Variants in PDE4C observed in about 807,000 individuals in gnomAD.
PDE4C encodes phosphodiesterase 4C.
PDE4C carries 50 observed loss-of-function variants against 63.9 expected under a neutral mutation model. That is an observed-to-expected ratio of 0.78 (90% CI 0.62 to 0.99). The LOEUF (loss-of-function observed/expected upper bound fraction) is 0.99. Ranked by LOEUF, PDE4C falls within the 50% of genes least tolerant of loss-of-function variation. The pLI is 0.00. For missense variants in PDE4C, 777 were observed against 899.1 expected, an observed-to-expected ratio of 0.86 and a Z score of 1.74; for synonymous variants, 377 against 385.1, an observed-to-expected ratio of 0.98 and a Z score of 0.25.
chr19:18,244,440 G>A (rs957026973), intron 1 of PDE4C, among the ~76,000 whole-genome samples: 2 of 151,502 alleles, frequency 1.3e-5, no homozygotes, highest in Non-Finnish European at 2.9e-5. Flanking sequence ...GATTACAGGC[G>A]ACCGCGACCA....
upstream of PDE4C, among the ~76,000 whole-genome samples, chr19:18,251,141 C>G (rs1172096704): frequency 4.1e-5 from 6 of 148,130 alleles, no homozygotes; most frequent in Non-Finnish European, 9.0e-5. Flanking sequence ...TTTTTTCCCC[C>G]CCGAGATGGA....
Position 18,220,554 on chromosome 19 carries a change from C to G in PDE4C, c.500-39G>C, listed in dbSNP as rs76000693. 3 of 1,352,786 alleles carry G rather than the reference C, an allele frequency of 2.2e-6. No individual in the cohort carries two copies. The highest frequency in any genetic ancestry group is 3.1e-6 in the Non-Finnish European group (3 of 954,352). The allele number at this position is 1,352,786 out of a possible 1,614,324, so 83.8% of individuals were successfully genotyped here. Reference sequence around the variant, plus strand: ...CAGTCAGGGGCCTGCCCAACCCCCCCGCTCAGGGACCCCACGCCTCTCGCG... The same window carrying G: ...CAGTCAGGGGCCTGCCCAACCCCCCGGCTCAGGGACCCCACGCCTCTCGCG... On this transcript the variant is annotated intron_variant, in intron 5 of 14. Coordinates refer to ENST00000262805, the Ensembl canonical transcript of PDE4C. The surrounding 1 kb of genome is among the most constrained non-coding windows in gnomAD (Gnocchi z 5.1).
At chr19:18,216,323 A>C (rs1341260880) in intron 12 of PDE4C, among the ~76,000 whole-genome samples, 1 of 147,938 alleles carries the variant, frequency 6.8e-6, no homozygotes, top group Non-Finnish European at 1.5e-5. Context: ...CAGTGGTGCG[A>C]TCTCAGCTCA....
exon 10 of PDE4C, chr19:18,218,353 A>G: frequency 6.2e-7 from 1 of 1,614,242 alleles, no homozygotes; most frequent in Non-Finnish European, 8.5e-7. Context: ...GGGCGTAGCC[A>G]GCAGCACATG....
At chr19:18,221,049 T>TCCGCCAGGGCCCCCCCCCCCC in intron 4 of PDE4C, 56 bp downstream of exon 4, 13 of 1,239,960 alleles carry the variant, frequency 1.0e-5, no homozygotes, top group Non-Finnish European at 1.4e-5. Flanking sequence ...CAGCCCGCTT[T>TCCGCCAGGGCCCCCCCCCCCC]CCGCCCACCT....
At chr19:18,232,980 C>T (rs778651923) in exon 1 of PDE4C, 1 of 1,494,324 alleles carries the variant, frequency 6.7e-7, no homozygotes, top group South Asian at 1.3e-5. Flanking sequence ...CCAGGAGAGC[C>T]GCGACTTCCT....
the PDE4C span, chr19:18,255,163 G>C: frequency 1.3e-5 from 5 of 398,224 alleles, no homozygotes; most frequent in Admixed American, 4.4e-5. The surrounding 1 kb of genome is among the most constrained non-coding windows in gnomAD (Gnocchi z 4.6). Context: ...TGGGCTGTGC[G>C]TCCCCCACCC....
chr19:18,223,492 G>C (rs1022154033), intron 1 of PDE4C, among the ~76,000 whole-genome samples: 1 of 152,354 alleles, frequency 6.6e-6, no homozygotes, highest in African/African-American at 2.4e-5. Flanking sequence ...TTACAGGCGT[G>C]AGCCACCGTG....
upstream of PDE4C, among the ~76,000 whole-genome samples, chr19:18,238,379 G>A (rs1968987875): frequency 6.6e-6 from 1 of 151,488 alleles, no homozygotes; most frequent in Non-Finnish European, 1.5e-5. Context: ...GGGATTACAG[G>A]TGCCCACCAC....
chr19:18,226,257 T>C lies in PDE4C; in HGVS notation c.146+13A>G, dbSNP rs1968714950. On this transcript the variant is annotated intron_variant, in intron 1 of 14. Coordinates refer to ENST00000262805, the Ensembl canonical transcript of PDE4C. Reference sequence around the variant, plus strand: ...GTCCCGGTGACCCCGCCAGGCCCTCTGTCCAGCCTCACCACAGCGGATGGG... The same window carrying C: ...GTCCCGGTGACCCCGCCAGGCCCTCCGTCCAGCCTCACCACAGCGGATGGG... 1.3e-6 allele frequency: 2 copies of C among 1,551,842 alleles called. No homozygotes were observed. Among genetic ancestry groups the C allele is most frequent in the African/African-American group, 1.4e-5 (1 of 72,446 alleles).
At chr19:18,224,235 C>T in intron 1 of PDE4C, 1 of 985,466 alleles carries the variant, frequency 1.0e-6, no homozygotes, top group Non-Finnish European at 1.2e-6. Context: ...AGGCGGTGAC[C>T]TGGGGGTGGG....
chr19:18,221,999 T>C, intron 2 of PDE4C, 133 bp downstream of exon 2: 6 of 723,478 alleles, frequency 8.3e-6, no homozygotes, highest in Non-Finnish European at 1.4e-5. Context: ...ATTGAATATA[T>C]GAGCTGTCTG....
chr19:18,218,949 G>A lies in PDE4C; in HGVS notation c.960C>T (p.Ser320=), dbSNP rs781730616. The A allele has an allele frequency of 7.4e-6, 12 of 1,612,772 alleles. No individual in the cohort carries two copies. The East Asian group carries it at 2.7e-4, about 36-fold the overall frequency. ...AGGGCAGGGTAGGTACCTGAAAAAT[G>A]CTGAATATGATAGCTGTGAGGGGCC... Residue 320 remains serine (S), a synonymous_variant, in exon 9 of 15, where the codon AGC becomes AGT. Transcript: ENST00000262805.
chr19:18,241,011 C>T (rs1369298911), intron 1 of PDE4C, among the ~76,000 whole-genome samples: 1 of 152,092 alleles, frequency 6.6e-6, no homozygotes, highest in African/African-American at 2.4e-5. Context: ...CCTTCTAGGA[C>T]TGTTCCCCGC....
chr19:18,221,413 CT>C, intron 2 of PDE4C, 116 bp from the exon 3 acceptor site: 2 of 1,091,400 alleles, frequency 1.8e-6, no homozygotes, highest in Non-Finnish European at 2.6e-6. Flanking sequence ...CAGGCTCCTT[CT>C]TAGTCCCTGG....
chr19:18,223,147 A>G (rs1968565806), intron 1 of PDE4C, among the ~76,000 whole-genome samples: 1 of 150,838 alleles, frequency 6.6e-6, no homozygotes, highest in African/African-American at 2.4e-5. Context: ...GGTTCAAGCA[A>G]TTTTCTCGCC....
chr19:18,237,228 A>G (rs1968965361), upstream of PDE4C, among the ~76,000 whole-genome samples: 1 of 152,184 alleles, frequency 6.6e-6, no homozygotes, highest in Middle Eastern at 3.2e-3. Context: ...TCTGTGAAGT[A>G]GGGATCTCAA....
At chr19:18,210,692 T>G in exon 15 of PDE4C, 1 of 463,706 alleles carries the variant, frequency 2.2e-6, no homozygotes, top group Non-Finnish European at 3.6e-6. Flanking sequence ...CACCAGGGCA[T>G]CGTAAGAGGC....
exon 12 of PDE4C, chr19:18,216,821 G>T: frequency 6.2e-7 from 1 of 1,614,170 alleles, no homozygotes; most frequent in South Asian, 1.1e-5. Context: ...TCTGCCTGCA[G>T]CAGCTTGAAG....
Sources: allele counts gnomAD v4.1 joint callset (sites outside exome capture counted in the v4.1 genomes callset), GRCh38; gene constraint gnomAD v4.1.1; non-coding constraint Gnocchi (gnomAD v3.1); transcripts MANE v1.5; gene names NCBI Gene and HGNC (gene_info 2026-07-23, HGNC 2026-07-21).